The following ZFR variants were observed in gnomAD, a reference collection of about 807,000 sequenced individuals.
The protein encoded by ZFR is zinc finger RNA binding protein.
In ZFR, 19 loss-of-function variants were observed where a neutral mutation model predicts 130.7. The observed-to-expected ratio is 0.15, with a 90% CI of 0.10 to 0.21. The LOEUF (loss-of-function observed/expected upper bound fraction) is 0.21. Among genes scored for constraint, ZFR ranks in the 10% least tolerant of loss-of-function variants. The pLI is 1.00. For synonymous variants in ZFR, 466 were observed against 456.9 expected (o/e 1.02, Z -0.25); for missense variants, 872 against 1,321.5 (o/e 0.66, Z 5.27).
intron 1 of ZFR, 33 bp from the exon 2 acceptor site, chr5:32,444,361 C>T (rs1754554148): frequency 2.0e-6 from 3 of 1,530,250 alleles, no homozygotes; most frequent in South Asian, 2.4e-5. Flanking sequence ...GGTCCCATGG[C>T]GGGACAAGAG....
rs1752491534 is a variant in ZFR, at chr5:32,364,217, C to T, written c.2894G>A (p.Gly965Glu). Reference protein sequence around the residue: ...ISSASSPQSPGDALRRVFECI... With the variant: ...ISSASSPQSPEDALRRVFECI... ...TTCAAAAACTCTTCTCAGTGCATCC[C>T]CAGGGCTCTGAGGGCTAGAAGCACT... is the stretch of plus-strand genomic sequence containing the variant. Residue 965 changes from glycine (G) to glutamate (E), a missense_variant, in exon 18 of 20, where the codon GGG becomes GAG. This residue lies in a region of ZFR where 158 missense variants were observed against 264.0 expected (regional missense o/e 0.60). Coordinates refer to ENST00000265069, the MANE Select transcript of ZFR (RefSeq NM_016107.5). The T allele has an allele frequency of 6.2e-7, 1 of 1,612,858 alleles. No homozygotes were observed. The highest frequency in any genetic ancestry group is 8.5e-7 in the Non-Finnish European group (1 of 1,179,122).
At chr5:32,425,652 C>A (rs1447976825) in intron 2 of ZFR, among the ~76,000 whole-genome samples, 1 of 152,154 alleles carries the variant, frequency 6.6e-6, no homozygotes, top group African/African-American at 2.4e-5. Context: ...CTCAGCCACC[C>A]GAGTAGCTGG....
At chr5:32,403,034 G>C in intron 8 of ZFR, 72 bp downstream of exon 8, 1 of 1,470,714 alleles carries the variant, frequency 6.8e-7, no homozygotes, top group Non-Finnish European at 9.3e-7. Flanking sequence ...ACAGGGAGAA[G>C]GGTTAGTGCT....
At position 32,415,505 on chromosome 5, in the gene ZFR, TGTGTGTGTGTGCGCGC is replaced by T. The variant is rs1401582017; in HGVS notation, c.566-334_566-319del. ...AAAGGAGTGTGTGTGTGTGTGTGTG[TGTGTGTGTGTGCGCGC>T]GCGCGCGCGCGCACTAGTCAGTCTA... is the stretch of plus-strand genomic sequence containing the variant. On this transcript the variant is annotated intron_variant, in intron 4 of 19. Transcript: ENST00000265069. Among the ~76,000 whole-genome samples the T allele has an allele frequency of 3.9e-3, 367 of 93,920 alleles. 1 individual carries two copies. Among genetic ancestry groups the T allele is most frequent in the African/African-American group, 0.018 (358 of 19,516 alleles). 61.6% of individuals were successfully genotyped at this position (93,920 alleles called of 152,430 possible).
chr5:32,383,527 G>A (rs974960588), intron 15 of ZFR, among the ~76,000 whole-genome samples: 4 of 152,180 alleles, frequency 2.6e-5, no homozygotes, highest in African/African-American at 9.7e-5. Context: ...GTGTTTAACA[G>A]TTATTTGGAC....
At chr5:32,423,580 AAAAG>A (rs1194915932) in intron 2 of ZFR, among the ~76,000 whole-genome samples, 6 of 152,132 alleles carry the variant, frequency 3.9e-5, no homozygotes, top group Admixed American at 6.5e-5. Context: ...TGAAAAATAC[AAAAG>A]AAAGGATAAG....
chr5:32,359,452 TATTTAATG>T (rs1483377916), intron 19 of ZFR, among the ~76,000 whole-genome samples: 1 of 152,162 alleles, frequency 6.6e-6, no homozygotes, highest in African/African-American at 2.4e-5. Context: ...TGCTAATATC[TATTTAATG>T]GGTTGTTTAC....
At chr5:32,415,547 C>A in intron 4 of ZFR, among the ~76,000 whole-genome samples, 1 of 148,646 alleles carries the variant, frequency 6.7e-6, no homozygotes, top group Non-Finnish European at 1.5e-5. Context: ...AGTCAGTCTA[C>A]TTCAGTTAGG....
chr5:32,363,420 C>T (rs1752475756), intron 19 of ZFR, among the ~76,000 whole-genome samples: 1 of 152,104 alleles, frequency 6.6e-6, no homozygotes, highest in Admixed American at 6.6e-5. Context: ...CATATTAACT[C>T]ATTTAATCTT....
chr5:32,437,524 A>C (rs1754366359), intron 2 of ZFR, among the ~76,000 whole-genome samples: 1 of 152,218 alleles, frequency 6.6e-6, no homozygotes, highest in African/African-American at 2.4e-5. Flanking sequence ...CAATCACTCT[A>C]ATCCTGTATT....
At chr5:32,399,963 C>T in intron 9 of ZFR, 44 bp downstream of exon 9, 1 of 1,517,358 alleles carries the variant, frequency 6.6e-7, no homozygotes, top group Non-Finnish European at 8.9e-7. Flanking sequence ...TGCACTTCTT[C>T]CCTTTATCCA....
chr5:32,391,724 C>T lies in ZFR; in HGVS notation c.1980-1287G>A, dbSNP rs1158185751. On this transcript the variant is annotated intron_variant, in intron 11 of 19. Transcript: ENST00000265069. Reference sequence around the variant, plus strand: ...GAAGTGCGCTTCCTGACTACCATTACAGAAACTACCAATTTCCTCAGGTTG... The same window carrying T: ...GAAGTGCGCTTCCTGACTACCATTATAGAAACTACCAATTTCCTCAGGTTG... Among the ~76,000 whole-genome samples the T allele has an allele frequency of 7.9e-5, 12 of 152,156 alleles. No individual in the cohort carries two copies. In the South Asian group the frequency reaches 2.5e-3, roughly 32 times the overall value.
intron 17 of ZFR, among the ~76,000 whole-genome samples, chr5:32,370,339 GAGAGAGAGAGAGAGACAGAC>G (rs1406096632): frequency 8.4e-3 from 13 of 1,556 alleles, no homozygotes; most frequent in South Asian, 0.028. Flanking sequence ...GAGAGAGAGA[GAGAGAGAGAGAGAGACAGAC>G]AGACAGACAG....
At chr5:32,367,706 A>AT (rs1165717159) in intron 17 of ZFR, among the ~76,000 whole-genome samples, 1 of 152,134 alleles carries the variant, frequency 6.6e-6, no homozygotes, top group Non-Finnish European at 1.5e-5. Context: ...AAGTGATGAG[A>AT]TTACAGGCGT....
intron 5 of ZFR, among the ~76,000 whole-genome samples, chr5:32,409,425 ACCC>A (rs1037073517): frequency 4.2e-5 from 6 of 142,596 alleles, no homozygotes; most frequent in Admixed American, 2.8e-4. Flanking sequence ...CCACCGCCCC[ACCC>A]CCCCATTTTT....
In ZFR at chr5:32,415,523, C is replaced by CGTGCGT. The variant is rs781310157; in HGVS notation, c.566-337_566-336insACGCAC. Reference sequence around the variant, plus strand: ...GTGTGTGTGTGTGTGTGTGCGCGCGCGCGCGCGCGCACTAGTCAGTCTACT... The same window carrying CGTGCGT: ...GTGTGTGTGTGTGTGTGTGCGCGCGCGTGCGTGCGCGCGCGCACTAGTCAGTCTACT... On this transcript the variant is annotated intron_variant, in intron 4 of 19. Coordinates refer to ENST00000265069, the MANE Select transcript of ZFR (RefSeq NM_016107.5). Among the ~76,000 whole-genome samples the CGTGCGT allele has an allele frequency of 1.9e-3, 251 of 132,102 alleles. 3 individuals are homozygous for CGTGCGT. The highest frequency in any genetic ancestry group is 3.8e-3 in the Admixed American group (51 of 13,576). 86.7% of individuals were successfully genotyped at this position (132,102 alleles called of 152,430 possible).
chr5:32,401,359 AT>A (rs1199634046), intron 8 of ZFR, among the ~76,000 whole-genome samples: 1 of 152,226 alleles, frequency 6.6e-6, no homozygotes, highest in Non-Finnish European at 1.5e-5. Context: ...TGGACTGAAT[AT>A]TGCGGAAATT....
At chr5:32,369,787 G>A (rs1310507447) in intron 17 of ZFR, among the ~76,000 whole-genome samples, 1 of 152,128 alleles carries the variant, frequency 6.6e-6, no homozygotes, top group Non-Finnish European at 1.5e-5. Flanking sequence ...ACTCCAGCCC[G>A]AGTGACAGAG....
At chr5:32,433,817 A>G (rs537711076) in intron 2 of ZFR, among the ~76,000 whole-genome samples, 25 of 152,366 alleles carry the variant, frequency 1.6e-4, no homozygotes, top group African/African-American at 5.3e-4. Context: ...ACGGTGGCTC[A>G]GGCCTGTAAT....
Sources: allele counts gnomAD v4.1 joint callset (sites outside exome capture counted in the v4.1 genomes callset), GRCh38; gene constraint gnomAD v4.1.1; regional missense constraint gnomAD v4.1.1; transcripts MANE v1.5; gene names NCBI Gene and HGNC (gene_info 2026-07-23, HGNC 2026-07-21).